Variants in TBC1D9 observed in about 807,000 individuals in gnomAD.
TBC1D9 encodes TBC1 domain family member 9A.
In TBC1D9, 63 loss-of-function variants were observed where a neutral mutation model predicts 132.0. The ratio of observed to expected loss-of-function variants is 0.48; its 90% CI spans 0.39 to 0.59. The LOEUF (loss-of-function observed/expected upper bound fraction) is 0.59. Ranked by LOEUF, TBC1D9 falls within the 20% of genes least tolerant of loss-of-function variation. The pLI is 0.00. For missense variants in TBC1D9, 1,261 were observed against 1,592.7 expected (o/e 0.79, Z 3.54); for synonymous variants, 610 against 609.9 (o/e 1.00, Z 0.00).
chr4:140,646,227 A>C (rs1163660094), intron 13 of TBC1D9, among the ~76,000 whole-genome samples: 1 of 152,092 alleles, frequency 6.6e-6, no homozygotes, highest in Non-Finnish European at 1.5e-5. Flanking sequence ...CAAAATCATT[A>C]ACTTGCCCAA....
intron 2 of TBC1D9, among the ~76,000 whole-genome samples, chr4:140,688,981 T>C (rs1737831060): frequency 6.6e-6 from 1 of 151,966 alleles, no homozygotes; most frequent in African/African-American, 2.4e-5. Flanking sequence ...GAGAGAGCCC[T>C]GTGCAGAATA....
intron 1 of TBC1D9, among the ~76,000 whole-genome samples, chr4:140,714,013 GAATC>G (rs1264277867): frequency 6.6e-6 from 1 of 152,166 alleles, no homozygotes; most frequent in Non-Finnish European, 1.5e-5. Flanking sequence ...GCAAAAATCA[GAATC>G]GGTAACCCTT....
rs1048921807 is a variant in TBC1D9, at chr4:140,643,283, G to A, written c.2338-3855C>T. On this transcript the variant is annotated intron_variant, in intron 13 of 20. Coordinates refer to ENST00000442267, the MANE Select transcript of TBC1D9 (RefSeq NM_015130.3). Reference sequence around the variant, plus strand: ...CGATCTCGCTCAGCAGGGTGATGCCGTGCAGAAAGCTCTGCTCCAAGACAA... The same window carrying A: ...CGATCTCGCTCAGCAGGGTGATGCCATGCAGAAAGCTCTGCTCCAAGACAA... 1.8e-5 allele frequency: 23 copies of A among 1,304,974 alleles called. No individual in the cohort carries two copies. In the Admixed American group the frequency reaches 4.0e-4, roughly 23 times the overall value. The allele number at this position is 1,304,974 out of a possible 1,614,324, so 80.8% of individuals were successfully genotyped here.
At chr4:140,676,753 G>C (rs914434986) in intron 6 of TBC1D9, 141 bp downstream of exon 6, 4 of 1,150,782 alleles carry the variant, frequency 3.5e-6, no homozygotes, top group South Asian at 1.6e-5. Context: ...GACAACAAAT[G>C]AAAGAATGCA....
At chr4:140,627,324 AG>A in intron 18 of TBC1D9, 116 bp downstream of exon 18, 1 of 678,106 alleles carries the variant, frequency 1.5e-6, no homozygotes, top group Non-Finnish European at 2.6e-6. Context: ...TAACCAATTA[AG>A]GCAACCATAT....
intron 9 of TBC1D9, among the ~76,000 whole-genome samples, chr4:140,666,421 C>G (rs910447097): frequency 1.3e-5 from 2 of 152,142 alleles, no homozygotes; most frequent in Non-Finnish European, 2.9e-5. Context: ...CTGCAAGCTC[C>G]GCCTCCCGGG....
At chr4:140,731,775 T>G (rs1407567390) in intron 1 of TBC1D9, among the ~76,000 whole-genome samples, 1 of 152,152 alleles carries the variant, frequency 6.6e-6, no homozygotes, top group Non-Finnish European at 1.5e-5. Context: ...GATACAATTT[T>G]TTTTACTTTA....
chr4:140,724,197 C>T (rs746161198), intron 1 of TBC1D9, among the ~76,000 whole-genome samples: 10 of 152,154 alleles, frequency 6.6e-5, no homozygotes, highest in African/African-American at 9.7e-5. Context: ...CACAGTGTCC[C>T]GGACCAGCTG....
At chr4:140,690,547 G>C (rs954650030) in intron 2 of TBC1D9, among the ~76,000 whole-genome samples, 6 of 152,022 alleles carry the variant, frequency 3.9e-5, no homozygotes, top group African/African-American at 1.4e-4. Context: ...GAAAAGGCTG[G>C]CCTTTTGGAG....
intron 13 of TBC1D9, among the ~76,000 whole-genome samples, chr4:140,647,277 G>A (rs1413738128): frequency 6.6e-6 from 1 of 152,166 alleles, no homozygotes; most frequent in East Asian, 1.9e-4. Context: ...GGCTTGGAGA[G>A]GTTAATTAAG....
In TBC1D9 at chr4:140,639,450, G is replaced by A. The variant is rs566067463; in HGVS notation, c.2338-22C>T. The A allele has an allele frequency of 6.4e-6, 10 of 1,556,148 alleles. No homozygotes were observed. The African/African-American group carries it at 1.3e-4, about 21-fold the overall frequency. On this transcript the variant is annotated intron_variant, in intron 13 of 20. Transcript: ENST00000442267. ...ATTTCTGTAAAGGAGCAATATTGGT[G>A]TCTCTGAAAAAATCTCTTACAGCAC... is the stretch of plus-strand genomic sequence containing the variant.
At chr4:140,720,726 G>A (rs1471733608) in intron 1 of TBC1D9, among the ~76,000 whole-genome samples, 1 of 152,196 alleles carries the variant, frequency 6.6e-6, no homozygotes, top group African/African-American at 2.4e-5. Flanking sequence ...TAGGGGAAAG[G>A]CTCCTTAATG....
At chr4:140,749,866 T>C (rs535342544) in intron 1 of TBC1D9, among the ~76,000 whole-genome samples, 5 of 152,228 alleles carry the variant, frequency 3.3e-5, no homozygotes, top group African/African-American at 1.2e-4. Flanking sequence ...CATGTGAACA[T>C]TTCATAATGA....
Position 140,622,305 on chromosome 4 carries a change from C to T in TBC1D9, c.3691G>A (p.Asp1231Asn). 6.2e-7 allele frequency: 1 copy of T among 1,613,724 alleles called. No individual in the cohort carries two copies. The highest frequency in any genetic ancestry group is 8.5e-7 in the Non-Finnish European group (1 of 1,179,668). Residue 1231 changes from aspartate (D) to asparagine (N), a missense_variant, in exon 21 of 21, where the codon GAC becomes AAC. Asp to Asn is a conservative substitution (Grantham distance 23). Coordinates refer to ENST00000442267, the MANE Select transcript of TBC1D9 (RefSeq NM_015130.3). ...LTEPALVKYF[D>N]KPVCMMARIT... The stretch of plus-strand genomic sequence containing the variant: ...CTGGCCATCATGCACACGGGCTTGT[C>T]AAAGTACTTGACCAGGGCAGGCTCA...
At chr4:140,750,239 G>A (rs541343321) in intron 1 of TBC1D9, among the ~76,000 whole-genome samples, 4 of 151,912 alleles carry the variant, frequency 2.6e-5, no homozygotes, top group African/African-American at 9.6e-5. Flanking sequence ...ACCTGGGAAG[G>A]GATAAGAGTA....
intron 13 of TBC1D9, chr4:140,645,465 C>G: frequency 2.5e-6 from 1 of 406,604 alleles, no homozygotes; most frequent in Non-Finnish European, 4.9e-6. Flanking sequence ...CTGCGGGCCC[C>G]TGCCCACTGC....
intron 1 of TBC1D9, among the ~76,000 whole-genome samples, chr4:140,736,628 T>A (rs1011543970): frequency 1.3e-5 from 2 of 152,070 alleles, no homozygotes; most frequent in Non-Finnish European, 2.9e-5. Context: ...CAGAGCCATA[T>A]TTGAGAAACT....
intron 2 of TBC1D9, among the ~76,000 whole-genome samples, chr4:140,687,375 T>C (rs867587886): frequency 9.9e-6 from 1 of 101,232 alleles, no homozygotes; most frequent in Non-Finnish European, 2.0e-5. Flanking sequence ...TATATATATA[T>C]ATATATATAT....
intron 13 of TBC1D9, chr4:140,644,756 A>G (rs555669018): frequency 1.2e-5 from 5 of 401,814 alleles, no homozygotes; most frequent in African/African-American, 1.1e-4. Context: ...AGGGGGCTGC[A>G]GCCTGGAGAG....
Sources: allele counts gnomAD v4.1 joint callset (sites outside exome capture counted in the v4.1 genomes callset), GRCh38; gene constraint gnomAD v4.1.1; transcripts MANE v1.5; gene names NCBI Gene and HGNC (gene_info 2026-07-23, HGNC 2026-07-21).